Variants in CHRDL1 observed in about 807,000 individuals in gnomAD.
CHRDL1 encodes chordin-like protein 1.
A neutral mutation model predicts 40.9 loss-of-function variants in CHRDL1; 19 were observed. That is an observed-to-expected ratio of 0.46 (90% CI 0.32 to 0.68). CHRDL1 has a LOEUF of 0.68. CHRDL1 is among the 30% of genes least tolerant of loss of function. CHRDL1 has a pLI of 0.03. For missense variants in CHRDL1, 329 were observed against 352.1 expected, an observed-to-expected ratio of 0.93 and a Z score of 0.53; for synonymous variants, 136 against 123.4, an observed-to-expected ratio of 1.10 and a Z score of -0.68.
chrX:110,789,497 T>A (rs768318011), intron 2 of CHRDL1, among the ~76,000 whole-genome samples: 1 of 112,147 alleles, frequency 8.9e-6, no homozygotes, highest in African/African-American at 3.2e-5. Context: ...GGAAACAACC[T>A]CAATATCTAC....
chrX:110,709,046 C>T (rs1312196808), intron 6 of CHRDL1, among the ~76,000 whole-genome samples: 1 of 112,181 alleles, frequency 8.9e-6, no homozygotes, highest in African/African-American at 3.2e-5. Context: ...CAAATTCTGG[C>T]TCTGCTCCTT....
At chrX:110,759,838 G>A (rs2089529919) in intron 3 of CHRDL1, 84 bp from the exon 4 acceptor site, 1 of 633,054 alleles carries the variant, frequency 1.6e-6, no homozygotes, top group Admixed American at 2.3e-5. Flanking sequence ...AGTCATGCAG[G>A]GACTCACCCA....
intron 2 of CHRDL1, among the ~76,000 whole-genome samples, chrX:110,770,632 T>C (rs1202268891): frequency 9.0e-6 from 1 of 110,846 alleles, no homozygotes; most frequent in Non-Finnish European, 1.9e-5. Context: ...TAAACCCCTA[T>C]AGATAAAAAG....
At chrX:110,735,691 A>G (rs951454116) in intron 4 of CHRDL1, among the ~76,000 whole-genome samples, 9 of 112,575 alleles carry the variant, frequency 8.0e-5, no homozygotes, top group African/African-American at 2.9e-4. Context: ...ACCACTTGCA[A>G]CAACAGCCCA....
At chrX:110,710,358 C>T (rs1219595426) in intron 6 of CHRDL1, among the ~76,000 whole-genome samples, 1 of 111,655 alleles carries the variant, frequency 9.0e-6, no homozygotes, top group Admixed American at 9.5e-5. Context: ...GCTTTAACCA[C>T]CCATGAAGAA....
At chrX:110,681,171 A>G (rs923636920) in intron 10 of CHRDL1, among the ~76,000 whole-genome samples, 2 of 111,491 alleles carry the variant, frequency 1.8e-5, no homozygotes, top group Middle Eastern at 4.6e-3. Flanking sequence ...GATATTTGGT[A>G]TTTAAAGGAA....
intron 3 of CHRDL1, among the ~76,000 whole-genome samples, chrX:110,762,076 CT>C (rs1361821976): frequency 8.9e-6 from 1 of 112,048 alleles, no homozygotes; most frequent in Non-Finnish European, 1.9e-5. Context: ...GTCTTACAAT[CT>C]AAACATTCTA....
At chrX:110,697,334 C>T (rs1380881593) in intron 7 of CHRDL1, among the ~76,000 whole-genome samples, 13 of 109,578 alleles carry the variant, frequency 1.2e-4, no homozygotes. Flanking sequence ...CCAGAAAGGG[C>T]CCTCATGTTT....
At chrX:110,774,553 C>T (rs926010422) in intron 2 of CHRDL1, among the ~76,000 whole-genome samples, 3 of 110,217 alleles carry the variant, frequency 2.7e-5, no homozygotes, top group Non-Finnish European at 5.7e-5. Flanking sequence ...TACAATGCAG[C>T]AGATATATAG....
chrX:110,758,048 T>G (rs148047393), intron 4 of CHRDL1, among the ~76,000 whole-genome samples: 11 of 98,811 alleles, frequency 1.1e-4, no homozygotes, highest in Non-Finnish European at 2.0e-4. Context: ...TTCTGAGGAA[T>G]AAAAAGCTTT....
intron 4 of CHRDL1, among the ~76,000 whole-genome samples, chrX:110,738,531 A>AAGAGATCGAG (rs2071302555): frequency 9.1e-6 from 1 of 110,478 alleles, no homozygotes; most frequent in Non-Finnish European, 1.9e-5. Context: ...TCACAAGGTC[A>AAGAGATCGAG]AGAGATCGAG....
rs2070341945 is a variant in CHRDL1 at position 110,694,314 on chromosome X, G to A, written c.627C>T (p.Arg209=). Reference sequence around the variant, plus strand: ...GGCTTGGTGGAGGATCATAGTGAGAGCGGTGGTAAGAATGTCTCTGTAAAA... The same window carrying A: ...GGCTTGGTGGAGGATCATAGTGAGAACGGTGGTAAGAATGTCTCTGTAAAA... ...ANREARHSYH[R]SHYDPPPSRQ... is the part of the protein sequence containing the mutation. The change falls in exon 8 of 12, where the codon CGC becomes CGT. Residue 209 remains arginine (R), a synonymous_variant. Transcript: ENST00000372042. 4 of 1,205,341 alleles carry A rather than the reference G, an allele frequency of 3.3e-6. No homozygotes were observed.
intron 6 of CHRDL1, among the ~76,000 whole-genome samples, chrX:110,716,124 A>T: frequency 8.9e-6 from 1 of 112,429 alleles, no homozygotes; most frequent in Non-Finnish European, 1.9e-5. Context: ...CCAAAAAGCA[A>T]TGTTAACTGT....
At position 110,727,680 on chromosome X, in the gene CHRDL1, T is replaced by C. The variant is rs756399870; in HGVS notation, c.302-6150A>G. On this transcript the variant is annotated intron_variant, in intron 4 of 11. Transcript: ENST00000372042. The stretch of plus-strand genomic sequence containing the variant: ...AATTAAAACTGCAATGAAATACCAT[T>C]TTTCTTAGCAGATTTAGAAAAATCC... 6.2e-5 allele frequency among the ~76,000 whole-genome samples: 7 copies of C among 112,301 alleles called. No individual in the cohort carries two copies. In the South Asian group the frequency reaches 2.6e-3, roughly 42 times the overall value.
intron 4 of CHRDL1, among the ~76,000 whole-genome samples, chrX:110,745,348 T>C (rs1329383933): frequency 1.8e-5 from 2 of 111,489 alleles, no homozygotes; most frequent in Non-Finnish European, 3.8e-5. Flanking sequence ...TCCTCCCTAC[T>C]TTTGCAGTGG....
Position 110,689,072 on chromosome X carries a change from GTATATATATATATATATA to G in CHRDL1, c.779-287_779-270del, listed in dbSNP as rs758293619. 1.7e-3 allele frequency among the ~76,000 whole-genome samples: 53 copies of G among 31,164 alleles called. 3 individuals are homozygous for G. The South Asian group carries it at 0.088, about 52-fold the overall frequency. The allele number at this position is 31,164 out of a possible 115,157, so 27.1% of individuals were successfully genotyped here. ...GTAGGCAGTCCATAAATATATATAT[GTATATATATATATATATA>G]TATATATATATATATATATATATTT... On this transcript the variant is annotated intron_variant, in intron 8 of 11. Coordinates refer to ENST00000372042, the MANE Select transcript of CHRDL1 (RefSeq NM_001143981.2).
intron 7 of CHRDL1, among the ~76,000 whole-genome samples, chrX:110,696,835 T>C (rs987534454): frequency 9.0e-6 from 1 of 110,574 alleles, no homozygotes; most frequent in African/African-American, 3.3e-5. Context: ...GAAGCCAAGG[T>C]TGGGAATCAC....
chrX:110,762,143 C>T lies in CHRDL1; in HGVS notation c.207+552G>A, dbSNP rs1014631951. 3.6e-5 allele frequency among the ~76,000 whole-genome samples: 4 copies of T among 112,382 alleles called. No homozygotes were observed. The Admixed American group carries it at 3.8e-4, about 11-fold the overall frequency. ...GCTCTTCTGCCTTCTCTAACCATGCCCTATATCATTAGGCTAAGAGATCAT... is the reference window on the plus strand; with the variant it reads ...GCTCTTCTGCCTTCTCTAACCATGCTCTATATCATTAGGCTAAGAGATCAT... On this transcript the variant is annotated intron_variant, in intron 3 of 11. Transcript: ENST00000372042.
chrX:110,740,954 C>T (rs2071349647), intron 4 of CHRDL1, among the ~76,000 whole-genome samples: 3 of 112,330 alleles, frequency 2.7e-5, no homozygotes, highest in Admixed American at 1.9e-4. Flanking sequence ...GTTGCTACAG[C>T]AGAGACTTCA....
Sources: allele counts gnomAD v4.1 joint callset (sites outside exome capture counted in the v4.1 genomes callset), GRCh38; gene constraint gnomAD v4.1.1; transcripts MANE v1.5; gene names NCBI Gene and HGNC (gene_info 2026-07-23, HGNC 2026-07-21).